Variants in PLXDC2 observed in about 807,000 individuals in gnomAD.
PLXDC2 encodes the protein plexin domain containing 2.
A neutral mutation model predicts 68.9 loss-of-function variants in PLXDC2; 40 were observed. The ratio of observed to expected loss-of-function variants is 0.58; its 90% CI spans 0.45 to 0.76. The LOEUF is 0.76. Among genes scored for constraint, PLXDC2 ranks in the 30% least tolerant of loss-of-function variants. The pLI is 0.00. For synonymous variants in PLXDC2, 243 were observed against 234.2 expected, an observed-to-expected ratio of 1.04 and a Z score of -0.34; for missense variants, 644 against 661.9, an observed-to-expected ratio of 0.97 and a Z score of 0.30.
At chr10:19,877,421 G>T (rs1489541058) in intron 1 of PLXDC2, among the ~76,000 whole-genome samples, 1 of 152,080 alleles carries the variant, frequency 6.6e-6, no homozygotes, top group Non-Finnish European at 1.5e-5. Flanking sequence ...ATTCTTAGTT[G>T]GGCACATGGC....
At chr10:20,174,817 G>C (rs991786900) in intron 7 of PLXDC2, among the ~76,000 whole-genome samples, 1 of 151,638 alleles carries the variant, frequency 6.6e-6, no homozygotes, top group Non-Finnish European at 1.5e-5. Flanking sequence ...TGAGTAGAGG[G>C]AAGGAGAGAT....
intron 4 of PLXDC2, among the ~76,000 whole-genome samples, chr10:20,084,540 T>A (rs1236129583): frequency 6.6e-6 from 1 of 151,976 alleles, no homozygotes; most frequent in African/African-American, 2.4e-5. Context: ...GAAGCTACAG[T>A]GGAGAATCAT....
Position 20,211,705 on chromosome 10 carries a change from G to C in PLXDC2, c.1098G>C (p.Trp366Cys), listed in dbSNP as rs911947376. 6.2e-7 allele frequency: 1 copy of C among 1,613,048 alleles called. No individual in the cohort carries two copies. The highest frequency in any genetic ancestry group is 8.5e-7 in the Non-Finnish European group (1 of 1,179,344). Residue 366 changes from tryptophan (W) to cysteine (C), a missense_variant, in exon 10 of 14, where the codon TGG (tryptophan) becomes TGC (cysteine). Coordinates refer to ENST00000377252, the MANE Select transcript of PLXDC2 (RefSeq NM_032812.9). ...GATTTGATCGTCATCGGCAGGACTG[G>C]GTGGACAGTGGATGCCCTGAAGAGG... ...SSGFDRHRQDWVDSGCPEESK... is the reference protein window; with the variant it reads ...SSGFDRHRQDCVDSGCPEESK...
intron 2 of PLXDC2, among the ~76,000 whole-genome samples, chr10:20,044,187 TTCTTTCTC>T (rs1235810688): frequency 7.9e-6 from 1 of 127,052 alleles, no homozygotes; most frequent in African/African-American, 3.5e-5. Context: ...CCTTCTTTCT[TTCTTTCTC>T]TCTCTCTCTC....
intron 9 of PLXDC2, among the ~76,000 whole-genome samples, chr10:20,203,616 C>A (rs144435977): frequency 6.6e-6 from 1 of 151,530 alleles, no homozygotes; most frequent in Admixed American, 6.6e-5. Flanking sequence ...CAGCCCAATA[C>A]GAATTTTTTT....
chr10:19,989,990 C>T (rs573560239), intron 1 of PLXDC2, among the ~76,000 whole-genome samples: 172 of 152,126 alleles, frequency 1.1e-3, no homozygotes, highest in African/African-American at 3.8e-3. Flanking sequence ...CCTCCTGATC[C>T]GCCCGACTCA....
At chr10:20,276,218 T>C (rs1365564503) in intron 13 of PLXDC2, among the ~76,000 whole-genome samples, 1 of 152,162 alleles carries the variant, frequency 6.6e-6, no homozygotes, top group African/African-American at 2.4e-5. Flanking sequence ...TGCCTGTAAC[T>C]TCCTTTCAAG....
At chr10:20,077,489 G>C (rs371074475) in intron 4 of PLXDC2, among the ~76,000 whole-genome samples, 1 of 152,128 alleles carries the variant, frequency 6.6e-6, no homozygotes, top group East Asian at 1.9e-4. Context: ...AATTCTAATG[G>C]GGTTACGATG....
chr10:19,857,232 C>T (rs1410068927), intron 1 of PLXDC2, among the ~76,000 whole-genome samples: 1 of 152,146 alleles, frequency 6.6e-6, no homozygotes, highest in East Asian at 1.9e-4. Flanking sequence ...TTTATTTCAG[C>T]TTCCCACAAT....
At chr10:20,068,895 T>C (rs1214238988) in intron 4 of PLXDC2, among the ~76,000 whole-genome samples, 1 of 152,086 alleles carries the variant, frequency 6.6e-6, no homozygotes, top group Non-Finnish European at 1.5e-5. Flanking sequence ...AAGTCAGAAA[T>C]ATTTTAGTCT....
At chr10:20,181,342 A>C (rs1031898576) in intron 9 of PLXDC2, among the ~76,000 whole-genome samples, 1 of 152,070 alleles carries the variant, frequency 6.6e-6, no homozygotes, top group Admixed American at 6.6e-5. Flanking sequence ...TGAGGTAGTT[A>C]GAGCTATAAT....
chr10:19,939,735 T>A (rs7083449), intron 1 of PLXDC2, among the ~76,000 whole-genome samples: 1 of 151,982 alleles, frequency 6.6e-6, no homozygotes, highest in Non-Finnish European at 1.5e-5. Flanking sequence ...CTTCATATAA[T>A]GATGTGTGGA....
intron 1 of PLXDC2, among the ~76,000 whole-genome samples, chr10:19,845,005 G>T (rs563289527): frequency 6.6e-6 from 1 of 152,244 alleles, no homozygotes; most frequent in Admixed American, 6.5e-5. Context: ...TCTTGCTTTG[G>T]TTATTCACTT....
chr10:20,098,357 A>ATGTGTGTGTGTGTGTGTGTGTGTGTGTG (rs35209594), intron 4 of PLXDC2, among the ~76,000 whole-genome samples: 2 of 145,380 alleles, frequency 1.4e-5, no homozygotes, highest in Non-Finnish European at 3.0e-5. Context: ...GTGTGTGTGT[A>ATGTGTGTGTGTGTGTGTGTGTGTGTGTG]TGTGTGTGTG....
intron 1 of PLXDC2, among the ~76,000 whole-genome samples, chr10:19,948,103 T>C (rs1422777838): frequency 6.6e-6 from 1 of 152,188 alleles, no homozygotes; most frequent in Non-Finnish European, 1.5e-5. Context: ...GTGAAATGGA[T>C]TTTTAAATTC....
At position 19,962,513 on chromosome 10, in the gene PLXDC2, C is replaced by T. The variant is rs1834174754; in HGVS notation, c.113-39262C>T. Among the ~76,000 whole-genome samples the T allele has an allele frequency of 2.0e-5, 3 of 148,710 alleles. No homozygotes were observed. In the South Asian group the frequency reaches 6.3e-4, roughly 31 times the overall value. On this transcript the variant is annotated intron_variant, in intron 1 of 13. Coordinates refer to ENST00000377252, the MANE Select transcript of PLXDC2 (RefSeq NM_032812.9). ...TCACGCCATTCTCCCGCCTCAGCCT[C>T]CCCAGCAGGTGGGACTACAGGCGCA... is the stretch of plus-strand genomic sequence containing the variant.
chr10:19,976,354 C>T (rs75922112), intron 1 of PLXDC2, among the ~76,000 whole-genome samples: 13,597 of 152,092 alleles, frequency 0.089, 666 homozygotes, highest in East Asian at 0.13. Context: ...GCTGGAATTA[C>T]AGGTGCCTGC....
At chr10:19,934,977 A>G (rs1251230224) in intron 1 of PLXDC2, among the ~76,000 whole-genome samples, 1 of 152,202 alleles carries the variant, frequency 6.6e-6, no homozygotes, top group Non-Finnish European at 1.5e-5. Flanking sequence ...TTCAGCATCA[A>G]TGCCGGCCTT....
At chr10:20,242,845 G>A (rs991136484) in intron 12 of PLXDC2, among the ~76,000 whole-genome samples, 5 of 152,114 alleles carry the variant, frequency 3.3e-5, no homozygotes, top group African/African-American at 7.2e-5. Flanking sequence ...GAGTAGCTGC[G>A]ATTATAGGCG....
Sources: allele counts gnomAD v4.1 joint callset (sites outside exome capture counted in the v4.1 genomes callset), GRCh38; gene constraint gnomAD v4.1.1; transcripts MANE v1.5; gene names NCBI Gene and HGNC (gene_info 2026-07-23, HGNC 2026-07-21).